The following SIRT3 variants were observed in gnomAD, a reference collection of about 807,000 sequenced individuals.
SIRT3 encodes the protein sirtuin 3.
SIRT3 carries 26 observed loss-of-function variants against 33.5 expected under a neutral mutation model. That is an observed-to-expected ratio of 0.78 (90% confidence interval 0.57 to 1.08). The LOEUF is 1.08. Among genes scored for constraint, SIRT3 ranks in the 50% least tolerant of loss-of-function variants. The probability of loss-of-function intolerance (pLI) is 0.00; values close to 1 mark genes in which losing one functional copy is unlikely to be tolerated. For missense variants in SIRT3, 585 were observed against 530.1 expected (o/e 1.10, Z -1.02); for synonymous variants, 237 against 222.1 (o/e 1.07, Z -0.60).
chr11:235,401 C>T (rs1195526129), intron 1 of SIRT3, among the ~76,000 whole-genome samples: 2 of 152,032 alleles, frequency 1.3e-5, no homozygotes, highest in African/African-American at 4.8e-5. Flanking sequence ...AGATGGGGGT[C>T]TCGTTATGTT....
At chr11:227,696 G>A (rs1387606712) in intron 4 of SIRT3, among the ~76,000 whole-genome samples, 1 of 151,882 alleles carries the variant, frequency 6.6e-6, no homozygotes, top group Admixed American at 6.6e-5. Context: ...TGCGATCTCA[G>A]CTCACAGCAA....
intron 3 of SIRT3, among the ~76,000 whole-genome samples, chr11:232,164 C>T (rs2133928920): frequency 6.6e-6 from 1 of 152,204 alleles, no homozygotes; most frequent in East Asian, 1.9e-4. Flanking sequence ...GTCGCCCAGG[C>T]TGGAGTGAAG....
intron 4 of SIRT3, among the ~76,000 whole-genome samples, chr11:227,997 C>T (rs560342699): frequency 2.6e-5 from 4 of 152,284 alleles, no homozygotes; most frequent in South Asian, 2.1e-4. Flanking sequence ...CTCCCATGAT[C>T]GTCAGGATAC....
chr11:232,001 A>C (rs1409476106), intron 3 of SIRT3, among the ~76,000 whole-genome samples: 1 of 152,022 alleles, frequency 6.6e-6, no homozygotes, highest in Non-Finnish European at 1.5e-5. Flanking sequence ...TGGTTTGGGC[A>C]CCATATGGAT....
intron 1 of SIRT3, among the ~76,000 whole-genome samples, chr11:234,707 G>T (rs1243891467): frequency 6.6e-6 from 1 of 152,030 alleles, no homozygotes; most frequent in Non-Finnish European, 1.5e-5. Context: ...GAGCCACCGC[G>T]CCCGGCCGCA....
At chr11:236,414 G>T, upstream of SIRT3, 1 of 818,776 alleles carries the variant, frequency 1.2e-6, no homozygotes, top group Non-Finnish European at 1.4e-6. Context: ...CGCCCCCGGC[G>T]CCCCAGCCCC....
intron 6 of SIRT3, among the ~76,000 whole-genome samples, chr11:217,445 A>G (rs977218196): frequency 6.6e-6 from 1 of 152,358 alleles, no homozygotes; most frequent in East Asian, 1.9e-4. Context: ...GTGAAACTCC[A>G]TTACAAAAAA....
At chr11:236,745 G>C, upstream of SIRT3, 1 of 468,492 alleles carries the variant, frequency 2.1e-6, no homozygotes, top group South Asian at 2.4e-5. Context: ...AGCAATTCCG[G>C]GTCACAAAGG....
chr11:221,317 C>T lies in SIRT3; in HGVS notation c.970-2276G>A, dbSNP rs1197894625. On this transcript the variant is annotated intron_variant, in intron 5 of 6. Transcript: ENST00000382743. ...GTAGAGACGAGGTCTGACTATACTGCCCAGGCTGGTCTCAAATGCCTAGCT... is the reference window on the plus strand; with the variant it reads ...GTAGAGACGAGGTCTGACTATACTGTCCAGGCTGGTCTCAAATGCCTAGCT... Among the ~76,000 whole-genome samples, 8 of 152,326 alleles carry T rather than the reference C, an allele frequency of 5.3e-5. No homozygotes were observed. In the South Asian group the frequency reaches 1.2e-3, roughly 24 times the overall value.
upstream of SIRT3, chr11:236,587 G>A (rs1455709094): frequency 6.2e-6 from 1 of 161,830 alleles, no homozygotes; most frequent in Admixed American, 6.5e-5. Context: ...CAAACCTGGA[G>A]CCAGCATTTC....
rs1190036167 is a variant in SIRT3, at chr11:230,516, T to A, written c.743A>T (p.His248Leu). 6.5e-7 allele frequency: 1 copy of A among 1,538,392 alleles called. No homozygotes were observed. The highest frequency in any genetic ancestry group is 8.8e-7 in the Non-Finnish European group (1 of 1,142,464). Reference sequence around the variant, plus strand: ...GCAGGTGGCAGAGGCAAAGGTTCCATGAGCTTCAACCAGCTTTGAGGCAGG... The same window carrying A: ...GCAGGTGGCAGAGGCAAAGGTTCCAAGAGCTTCAACCAGCTTTGAGGCAGG... ...GIPASKLVEA[H>L]GTFASATCTV... The change falls in exon 4 of 7, where the codon CAT becomes CTT. Residue 248 changes from histidine (H) to leucine (L), a missense_variant. Physicochemically the swap from His to Leu is moderately conservative, Grantham distance 99. Transcript: ENST00000382743.
chr11:218,755 G>T, intron 6 of SIRT3, 77 bp downstream of exon 6: 2 of 1,604,728 alleles, frequency 1.2e-6, no homozygotes, highest in Non-Finnish European at 1.7e-6. Flanking sequence ...AACCAACGGG[G>T]CTCCATATCA....
chr11:236,209 A>C lies in SIRT3; in HGVS notation c.120T>G (p.Leu40=), dbSNP rs757441743. 1 of 1,560,060 alleles carries C rather than the reference A, an allele frequency of 6.4e-7. No homozygotes were observed. Among genetic ancestry groups the C allele is most frequent in the Non-Finnish European group, 8.6e-7 (1 of 1,156,296 alleles). The part of the protein sequence containing the change: ...PFQACGCRLV[L]GGRDDVSAGL... ...CCGCACTCACATCGTCCCTGCCGCCAAGCACCAGCCGACAGCCGCAGGCCT... is the reference window on the plus strand; with the variant it reads ...CCGCACTCACATCGTCCCTGCCGCCCAGCACCAGCCGACAGCCGCAGGCCT... The change falls in exon 1 of 7, where the codon CTT becomes CTG. Residue 40 remains leucine (L), a synonymous_variant. Transcript: ENST00000382743.
rs199993215 is a variant in SIRT3 at position 232,965 on chromosome 11, G to A, written c.706+18C>T. The A allele has an allele frequency of 1.5e-4, 238 of 1,608,784 alleles. No individual in the cohort carries two copies. The highest frequency in any genetic ancestry group is 1.4e-3 in the South Asian group (127 of 90,868). On this transcript the variant is annotated intron_variant, in intron 3 of 6. Coordinates refer to ENST00000382743, the MANE Select transcript of SIRT3 (RefSeq NM_012239.6). ...TCCGTGGGAGAAAAAGAATGTGTGC[G>A]ACTCACAGAGGGCTCACCTCTCTCA...
intron 1 of SIRT3, chr11:233,783 A>G: frequency 2.1e-6 from 1 of 465,316 alleles, no homozygotes; most frequent in Non-Finnish European, 3.9e-6. Context: ...TGCTCATTTC[A>G]TAATTCAGTA....
rs764657374 is a variant in SIRT3, at chr11:233,243, G to C, written c.474-28C>G. 17 of 1,608,406 alleles carry C rather than the reference G, an allele frequency of 1.1e-5. No homozygotes were observed. The South Asian group carries it at 1.9e-4, about 18-fold the overall frequency. On this transcript the variant is annotated intron_variant, in intron 2 of 6. Coordinates refer to ENST00000382743, the MANE Select transcript of SIRT3 (RefSeq NM_012239.6). ...GCAGGGAGAGAAGAAAGGCTCTGAG[G>C]CCTTTGGAAGAGGACAGGGAAGTGG... is the stretch of plus-strand genomic sequence containing the variant.
upstream of SIRT3, chr11:236,434 T>TACCGCCCCCGCCC: frequency 1.7e-6 from 1 of 601,702 alleles, no homozygotes; most frequent in Non-Finnish European, 1.9e-6. Context: ...CGCCTCCGCC[T>TACCGCCCCCGCCC]ACCGCCCCCG....
chr11:221,312 T>C (rs184562483), intron 5 of SIRT3, among the ~76,000 whole-genome samples: 30 of 152,370 alleles, frequency 2.0e-4, no homozygotes, highest in African/African-American at 6.5e-4. Flanking sequence ...GGTCTGACTA[T>C]ACTGCCCAGG....
intron 3 of SIRT3, 47 bp downstream of exon 3, chr11:232,936 A>G: frequency 6.3e-7 from 1 of 1,575,750 alleles, no homozygotes; most frequent in Non-Finnish European, 8.7e-7. Context: ...CAGGCACCCG[A>G]GCCTCCGTGG....
Sources: allele counts gnomAD v4.1 joint callset (sites outside exome capture counted in the v4.1 genomes callset), GRCh38; gene constraint gnomAD v4.1.1; transcripts MANE v1.5; gene names NCBI Gene and HGNC (gene_info 2026-07-23, HGNC 2026-07-21).